The following ATL3 variants were observed in gnomAD, a reference collection of about 807,000 sequenced individuals.
ATL3 encodes the protein atlastin GTPase 3.
Under a neutral mutation model 69.5 loss-of-function variants are expected in ATL3, and 49 were observed. The ratio of observed to expected loss-of-function variants is 0.71; its 90% CI spans 0.56 to 0.89. The LOEUF (loss-of-function observed/expected upper bound fraction) is 0.89. Ranked by LOEUF, ATL3 falls within the 40% of genes least tolerant of loss-of-function variation. The pLI, the probability that ATL3 is intolerant of heterozygous loss-of-function variation, is 0.00. For synonymous variants in ATL3, 214 were observed against 224.1 expected, an observed-to-expected ratio of 0.95 and a Z score of 0.40; for missense variants, 606 against 645.7, an observed-to-expected ratio of 0.94 and a Z score of 0.67.
chr11:63,629,459 A>C (rs1469733623), intron 12 of ATL3, 54 bp from the exon 13 acceptor site: 2 of 1,478,728 alleles, frequency 1.4e-6, no homozygotes. Flanking sequence ...ACACAGCAAC[A>C]AGAAAGTAAG....
chr11:63,658,906 T>C lies in ATL3; in HGVS notation c.262-2A>G, dbSNP rs1940338777. On this transcript the variant is annotated splice_acceptor_variant, in intron 2 of 12. Transcript: ENST00000398868. LOFTEE classifies it high-confidence loss of function. ...CCAATTTGAATGGCCACTTTCCTTC[T>C]ACAGAAGTAAGAAATTTCTATTAAA... 3 of 1,594,546 alleles carry C rather than the reference T, an allele frequency of 1.9e-6. No individual in the cohort carries two copies. The highest frequency in any genetic ancestry group is 2.6e-6 in the Non-Finnish European group (3 of 1,174,240).
At chr11:63,670,368 G>C (rs1940733227) in intron 1 of ATL3, 1 of 152,120 alleles carries the variant, frequency 6.6e-6, no homozygotes, top group South Asian at 2.1e-4. Flanking sequence ...TTTTTGGTCC[G>C]TTATTCTAAG....
At chr11:63,664,685 C>G (rs1158761064) in intron 1 of ATL3, among the ~76,000 whole-genome samples, 2 of 149,638 alleles carry the variant, frequency 1.3e-5, no homozygotes, top group Non-Finnish European at 3.0e-5. Flanking sequence ...TGCAGTGGCG[C>G]GATCTTGGCT....
chr11:63,657,306 C>G (rs1214803245), intron 3 of ATL3, among the ~76,000 whole-genome samples: 2 of 151,504 alleles, frequency 1.3e-5, no homozygotes, highest in Non-Finnish European at 2.9e-5. Flanking sequence ...ATAAGAAACA[C>G]ATGACTTACC....
rs369003319 is a variant in ATL3, at chr11:63,661,578, AAAGAGAAGAG to A, written c.47-2336_47-2327del. Among the ~76,000 whole-genome samples the A allele has an allele frequency of 8.7e-3, 1,321 of 152,100 alleles. 17 individuals are homozygous for A. The highest frequency in any genetic ancestry group is 0.03 in the African/African-American group (1,248 of 41,484). ...GGCCAATATAGCGAGAGACTGTCTT[AAAGAGAAGAG>A]AAGAGAAGAGAAGGCAAGGGGCCGG... On this transcript the variant is annotated intron_variant, in intron 1 of 12. Transcript: ENST00000398868.
Position 63,631,472 on chromosome 11 carries a change from C to G in ATL3, c.1108-1G>C, listed in dbSNP as rs1157478239. The G allele has an allele frequency of 1.3e-6, 2 of 1,584,228 alleles. No individual in the cohort carries two copies. The highest frequency in any genetic ancestry group is 1.4e-5 in the African/African-American group (1 of 73,064). On this transcript the variant is annotated splice_acceptor_variant, in intron 11 of 12. Transcript: ENST00000398868. LOFTEE classifies it high-confidence loss of function. Reference sequence around the variant, plus strand: ...AATAAGGTTTCTCTCCCCCACAAACCTAAAAAGAACAAAGAAACAATATGT... The same window carrying G: ...AATAAGGTTTCTCTCCCCCACAAACGTAAAAAGAACAAAGAAACAATATGT...
intron 5 of ATL3, 31 bp downstream of exon 5, chr11:63,651,905 T>G (rs1344641786): frequency 7.0e-6 from 11 of 1,572,806 alleles, no homozygotes; most frequent in Non-Finnish European, 9.4e-6. Context: ...TTAAATAATA[T>G]GATGTTAAAA....
chr11:63,632,666 G>T, intron 11 of ATL3: 2 of 1,151,916 alleles, frequency 1.7e-6, no homozygotes, highest in South Asian at 1.2e-5. Flanking sequence ...TTCGGCCTCT[G>T]AGTGATTTTG....
chr11:63,671,823 G>A (rs1425891133), upstream of ATL3: 1 of 975,926 alleles, frequency 1.0e-6, no homozygotes, highest in East Asian at 1.1e-4. Context: ...CCTCCTGCGA[G>A]CTGCGGCCGG....
intron 3 of ATL3, among the ~76,000 whole-genome samples, chr11:63,654,392 G>A (rs993836532): frequency 5.9e-5 from 9 of 151,652 alleles, no homozygotes; most frequent in East Asian, 1.9e-4. Flanking sequence ...TGATCCGCCC[G>A]CCTCAGCCTC....
chr11:63,671,238 G>C (rs938553965), intron 1 of ATL3, 52 bp downstream of exon 1: 21 of 1,537,968 alleles, frequency 1.4e-5, no homozygotes, highest in African/African-American at 4.3e-5. Flanking sequence ...ACTACAGCAG[G>C]GAAGGCGGCG....
At chr11:63,667,643 A>G (rs1940616489) in intron 1 of ATL3, among the ~76,000 whole-genome samples, 1 of 151,964 alleles carries the variant, frequency 6.6e-6, no homozygotes, top group Non-Finnish European at 1.5e-5. Context: ...GCATGACTGC[A>G]GTCCCAGCTA....
intron 12 of ATL3, among the ~76,000 whole-genome samples, chr11:63,630,819 C>T (rs1017000486): frequency 4.1e-5 from 6 of 144,878 alleles, no homozygotes; most frequent in Non-Finnish European, 7.5e-5. Flanking sequence ...AAAAAAAAAG[C>T]GGGGCGGGGG....
intron 1 of ATL3, among the ~76,000 whole-genome samples, chr11:63,667,089 C>A (rs1940593501): frequency 6.6e-6 from 1 of 152,146 alleles, no homozygotes; most frequent in Non-Finnish European, 1.5e-5. Flanking sequence ...TTCCCTTTTC[C>A]AGAGTATCCA....
chr11:63,642,848 G>C (rs1364209932), intron 8 of ATL3, among the ~76,000 whole-genome samples: 1 of 152,138 alleles, frequency 6.6e-6, no homozygotes, highest in African/African-American at 2.4e-5. Flanking sequence ...ATGACTCAAG[G>C]CCTTAATGAA....
chr11:63,656,320 T>C (rs561778102), intron 3 of ATL3, among the ~76,000 whole-genome samples: 67 of 151,486 alleles, frequency 4.4e-4, no homozygotes, highest in African/African-American at 1.5e-3. Context: ...TAAATATATA[T>C]ACCTATGTAC....
chr11:63,666,031 G>A (rs1940563546), intron 1 of ATL3, among the ~76,000 whole-genome samples: 2 of 152,074 alleles, frequency 1.3e-5, no homozygotes, highest in South Asian at 4.1e-4. Flanking sequence ...ACAGGCTAGA[G>A]GTGCGGTGGT....
chr11:63,633,506 A>G (rs986632052), intron 10 of ATL3, among the ~76,000 whole-genome samples: 5 of 151,822 alleles, frequency 3.3e-5, no homozygotes, highest in Admixed American at 1.3e-4. Flanking sequence ...CCTGAATGCA[A>G]GCCATCCTCC....
Position 63,652,587 on chromosome 11 carries a change from GA to G in ATL3, c.406-13del. 1 of 1,583,664 alleles carries G rather than the reference GA, an allele frequency of 6.3e-7. No homozygotes were observed. Among genetic ancestry groups the G allele is most frequent in the Admixed American group, 1.7e-5 (1 of 57,152 alleles). ...AGAACAACTGCAACCTAAAAAAAAG[GA>G]AAATACAAACAAAAGAGATTAAACT... On this transcript the variant is annotated splice_polypyrimidine_tract_variant and intron_variant, in intron 3 of 12. Coordinates refer to ENST00000398868, the MANE Select transcript of ATL3 (RefSeq NM_015459.5).
Sources: allele counts gnomAD v4.1 joint callset (sites outside exome capture counted in the v4.1 genomes callset), GRCh38; gene constraint gnomAD v4.1.1; transcripts MANE v1.5; gene names NCBI Gene and HGNC (gene_info 2026-07-23, HGNC 2026-07-21).